SLC25A21: variants seen among roughly 807,000 people sequenced by gnomAD.
SLC25A21 encodes solute carrier family 25 member 21, also known as mitochondrial 2-oxodicarboxylate carrier.
A neutral mutation model predicts 43.8 loss-of-function variants in SLC25A21; 47 were observed. That is an observed-to-expected ratio of 1.07 (90% CI 0.85 to 1.37). The LOEUF is 1.37. Among genes scored for constraint, SLC25A21 ranks in the 40% most tolerant of loss-of-function variants. SLC25A21 has a pLI of 0.00. For synonymous variants in SLC25A21, 131 were observed against 121.3 expected, an observed-to-expected ratio of 1.08 and a Z score of -0.52; for missense variants, 352 against 350.2, an observed-to-expected ratio of 1.00 and a Z score of -0.04.
chr14:37,034,920 G>A (rs1350073347), intron 1 of SLC25A21, among the ~76,000 whole-genome samples: 1 of 152,174 alleles, frequency 6.6e-6, no homozygotes, highest in Non-Finnish European at 1.5e-5. Flanking sequence ...CTGCCTAATA[G>A]GAGCATTTGG....
intron 1 of SLC25A21, among the ~76,000 whole-genome samples, chr14:36,883,261 C>T (rs1437973823): frequency 6.6e-6 from 1 of 152,200 alleles, no homozygotes; most frequent in Non-Finnish European, 1.5e-5. Flanking sequence ...GCCACACTGG[C>T]TCTCTGCTGT....
intron 1 of SLC25A21, among the ~76,000 whole-genome samples, chr14:37,160,486 T>C (rs1216759302): frequency 6.6e-6 from 1 of 152,194 alleles, no homozygotes; most frequent in Non-Finnish European, 1.5e-5. Flanking sequence ...AAATATTGCA[T>C]GTTCTCACTT....
chr14:37,031,730 A>G (rs979645383), intron 1 of SLC25A21, among the ~76,000 whole-genome samples: 3 of 152,178 alleles, frequency 2.0e-5, no homozygotes, highest in Non-Finnish European at 4.4e-5. Flanking sequence ...AGGATTCTTG[A>G]ATTGGAAAGG....
intron 2 of SLC25A21, among the ~76,000 whole-genome samples, chr14:36,834,975 C>T (rs924510293): frequency 2.0e-5 from 3 of 152,210 alleles, no homozygotes; most frequent in African/African-American, 7.2e-5. Context: ...ACTGGGAAAT[C>T]AGACTTTTTG....
chr14:36,942,338 T>A (rs1892582213), intron 1 of SLC25A21, among the ~76,000 whole-genome samples: 5 of 152,190 alleles, frequency 3.3e-5, no homozygotes, highest in Admixed American at 3.3e-4. Context: ...TACACGTTCT[T>A]AAAGAAGCTG....
intron 2 of SLC25A21, among the ~76,000 whole-genome samples, chr14:36,822,224 C>A (rs1440248453): frequency 6.6e-6 from 1 of 152,256 alleles, no homozygotes; most frequent in East Asian, 1.9e-4. Flanking sequence ...CATCAATTAA[C>A]ACTCCAAAAT....
At chr14:36,878,226 C>G (rs1890604635) in intron 1 of SLC25A21, among the ~76,000 whole-genome samples, 1 of 152,134 alleles carries the variant, frequency 6.6e-6, no homozygotes, top group African/African-American at 2.4e-5. Flanking sequence ...TATGAAACTA[C>G]CTGCAAAACT....
At chr14:36,745,749 T>C (rs1000747623) in intron 3 of SLC25A21, among the ~76,000 whole-genome samples, 1 of 152,160 alleles carries the variant, frequency 6.6e-6, no homozygotes, top group African/African-American at 2.4e-5. Flanking sequence ...TATTAGCCCT[T>C]TGTCAGATGG....
At chr14:36,908,009 A>G (rs1891581396) in intron 1 of SLC25A21, among the ~76,000 whole-genome samples, 1 of 152,214 alleles carries the variant, frequency 6.6e-6, no homozygotes, top group Non-Finnish European at 1.5e-5. Context: ...CGGATTTGCT[A>G]TTAAAGGACA....
In SLC25A21 at chr14:36,962,547, A is replaced by G. The variant is rs1007846522; in HGVS notation, c.71-87543T>C. Among the ~76,000 whole-genome samples, 6 of 150,880 alleles carry G rather than the reference A, an allele frequency of 4.0e-5. No homozygotes were observed. The South Asian group carries it at 1.3e-3, about 32-fold the overall frequency. On this transcript the variant is annotated intron_variant, in intron 1 of 9. Coordinates refer to ENST00000331299, the MANE Select transcript of SLC25A21 (RefSeq NM_030631.4). ...GTTCCATTCTCTATCTCTCTTTTTT[A>G]TTTTTCCAATATTTCACTTATGCAA...
At chr14:37,142,799 T>A (rs1355468464) in intron 1 of SLC25A21, among the ~76,000 whole-genome samples, 2 of 152,226 alleles carry the variant, frequency 1.3e-5, no homozygotes, top group Admixed American at 1.3e-4. Context: ...AATTGTAAAT[T>A]TTCTTCGAAA....
chr14:36,782,912 CTGCACAATG>C (rs1349142802), intron 3 of SLC25A21, among the ~76,000 whole-genome samples: 1 of 147,532 alleles, frequency 6.8e-6, no homozygotes, highest in East Asian at 2.0e-4. Context: ...TGTAACTAAC[CTGCACAATG>C]TGCACATGTA....
At chr14:37,078,081 T>C (rs963987249) in intron 1 of SLC25A21, among the ~76,000 whole-genome samples, 1 of 152,174 alleles carries the variant, frequency 6.6e-6, no homozygotes, top group East Asian at 1.9e-4. Context: ...AGATGACATA[T>C]TGCTCGTCAT....
chr14:36,782,543 C>T (rs1594583416), intron 3 of SLC25A21, among the ~76,000 whole-genome samples: 1 of 152,108 alleles, frequency 6.6e-6, no homozygotes, highest in East Asian at 1.9e-4. Flanking sequence ...GTCACCTCCT[C>T]AAGTATTTAA....
At chr14:37,140,540 T>C (rs935857373) in intron 1 of SLC25A21, among the ~76,000 whole-genome samples, 2 of 152,176 alleles carry the variant, frequency 1.3e-5, no homozygotes, top group African/African-American at 2.4e-5. Flanking sequence ...ATTGGGAGAA[T>C]TGAACGAGAG....
rs58645092 is a variant in SLC25A21, at chr14:36,714,086, C to T, written c.439-2604G>A. Among the ~76,000 whole-genome samples the T allele has an allele frequency of 9.0e-3, 1,368 of 152,302 alleles. 11 individuals are homozygous for T. Among genetic ancestry groups the T allele is most frequent in the African/African-American group, 0.03 (1,250 of 41,552 alleles). ...GAAAGAAGTCAATGAACTTAGTCCA[C>T]TGTAAACAACTTAGTCCATTCTAAG... On this transcript the variant is annotated intron_variant, in intron 6 of 9. Transcript: ENST00000331299.
intron 1 of SLC25A21, among the ~76,000 whole-genome samples, chr14:37,167,916 T>C (rs1412979971): frequency 2.0e-5 from 3 of 151,854 alleles, no homozygotes; most frequent in African/African-American, 4.8e-5. Context: ...CCCCTAATGC[T>C]TGGGGAGACT....
At chr14:36,893,381 C>T (rs1049394153) in intron 1 of SLC25A21, among the ~76,000 whole-genome samples, 8 of 152,124 alleles carry the variant, frequency 5.3e-5, no homozygotes, top group Non-Finnish European at 1.2e-4. Context: ...CCTTCACCCA[C>T]TTTTTGATGG....
At chr14:36,829,205 AC>A (rs1187738777) in intron 2 of SLC25A21, among the ~76,000 whole-genome samples, 5 of 151,764 alleles carry the variant, frequency 3.3e-5, no homozygotes, top group Non-Finnish European at 5.9e-5. Flanking sequence ...GTCACTCTCT[AC>A]CCATTTCTAC....
Sources: gnomAD v4.1 joint callset for allele counts (sites outside exome capture counted in the v4.1 genomes callset) on GRCh38, gnomAD v4.1.1 for gene constraint, MANE v1.5 for transcripts, NCBI Gene and HGNC (gene_info 2026-07-23, HGNC 2026-07-21) for gene names.